CPNE5: variants seen among roughly 807,000 people sequenced by gnomAD.
CPNE5 encodes copine-5.
A neutral mutation model predicts 81.1 loss-of-function variants in CPNE5; 42 were observed. The ratio of observed to expected loss-of-function variants is 0.52; its 90% confidence interval spans 0.40 to 0.67. The LOEUF is 0.67. Among genes scored for constraint, CPNE5 ranks in the 30% least tolerant of loss-of-function variants. CPNE5 has a pLI of 0.00. For synonymous variants in CPNE5, 313 were observed against 321.5 expected, an observed-to-expected ratio of 0.97 and a Z score of 0.28; for missense variants, 612 against 815.5, an observed-to-expected ratio of 0.75 and a Z score of 3.04.
chr6:36,749,305 G>T (rs1209128451), intron 14 of CPNE5, among the ~76,000 whole-genome samples: 1 of 152,136 alleles, frequency 6.6e-6, no homozygotes, highest in East Asian at 1.9e-4. Context: ...TGGGGGGAAT[G>T]AATAGATGAA....
At chr6:36,762,437 C>G (rs1766141306) in intron 12 of CPNE5, among the ~76,000 whole-genome samples, 1 of 152,148 alleles carries the variant, frequency 6.6e-6, no homozygotes, top group African/African-American at 2.4e-5. Context: ...TTGTCCGAGG[C>G]TCTCCAGCTC....
chr6:36,796,410 G>A (rs1232130203), intron 6 of CPNE5, among the ~76,000 whole-genome samples: 4 of 152,242 alleles, frequency 2.6e-5, no homozygotes, highest in Non-Finnish European at 5.9e-5. Context: ...ATGACTAGTG[G>A]CTTTGGACCC....
chr6:36,768,225 C>CCTTTTTTCTTTTTTTTTT (rs1766735631), intron 10 of CPNE5, among the ~76,000 whole-genome samples: 1 of 60,496 alleles, frequency 1.7e-5, no homozygotes, highest in Non-Finnish European at 3.0e-5. Context: ...ATTCACAGTT[C>CCTTTTTTCTTTTTTTTTT]TTTTTTTTTT....
chr6:36,772,555 A>G (rs1398064596), intron 10 of CPNE5, among the ~76,000 whole-genome samples: 1 of 152,254 alleles, frequency 6.6e-6, no homozygotes, highest in Non-Finnish European at 1.5e-5. Flanking sequence ...GTCTCCCTAA[A>G]GATGGGAAGG....
chr6:36,781,486 A>G (rs1037468055), intron 8 of CPNE5, among the ~76,000 whole-genome samples: 4 of 152,238 alleles, frequency 2.6e-5, no homozygotes, highest in Non-Finnish European at 5.9e-5. Context: ...CATAACTCAG[A>G]CAGTCAGATT....
chr6:36,822,066 A>C, intron 3 of CPNE5, 48 bp downstream of exon 3: 1 of 1,476,990 alleles, frequency 6.8e-7, no homozygotes. Flanking sequence ...ACAGACAGGC[A>C]GACAGGAACA....
At chr6:36,823,941 G>A (rs1054768889) in intron 1 of CPNE5, among the ~76,000 whole-genome samples, 1 of 152,170 alleles carries the variant, frequency 6.6e-6, no homozygotes, top group Non-Finnish European at 1.5e-5. Context: ...CTGCACATCT[G>A]GTATCCCTCG....
chr6:36,763,473 G>A (rs1168515387), intron 11 of CPNE5, among the ~76,000 whole-genome samples: 1 of 152,004 alleles, frequency 6.6e-6, no homozygotes, highest in Non-Finnish European at 1.5e-5. Context: ...CGTGGTGGTG[G>A]ACACCTATAA....
chr6:36,838,772 A>C (rs1257984588), intron 1 of CPNE5: 5 of 984,218 alleles, frequency 5.1e-6, no homozygotes, highest in Non-Finnish European at 6.0e-6. Context: ...AAGGCTTTAA[A>C]ATCCTAGAGT....
At position 36,768,216 on chromosome 6, in the gene CPNE5, T is replaced by G. The variant is rs1766731870; in HGVS notation, c.738-2840A>C. On this transcript the variant is annotated intron_variant, in intron 10 of 20. Transcript: ENST00000244751. ...GACAAATAAGGCTTTGACTACTCTATTCACAGTTCTTTTTTTTTTTTTTTT... is the reference window on the plus strand; with the variant it reads ...GACAAATAAGGCTTTGACTACTCTAGTCACAGTTCTTTTTTTTTTTTTTTT... 4.2e-5 allele frequency among the ~76,000 whole-genome samples: 6 copies of G among 144,394 alleles called. No homozygotes were observed. In the South Asian group the frequency reaches 1.3e-3, roughly 32 times the overall value. 94.7% of individuals were successfully genotyped at this position (144,394 alleles called of 152,430 possible).
Position 36,753,150 on chromosome 6 carries a change from G to A in CPNE5, c.910-55C>T. On this transcript the variant is annotated intron_variant, in intron 13 of 20. Transcript: ENST00000244751. ...GGGAGCCTGGGGTCAGGGGAGATGG[G>A]TTATGATTCGAGAGCTGACATTGAC... 2.1e-6 allele frequency: 3 copies of A among 1,433,672 alleles called. No homozygotes were observed. In the South Asian group the frequency reaches 3.4e-5, roughly 16 times the overall value. 88.8% of individuals were successfully genotyped at this position (1,433,672 alleles called of 1,614,324 possible).
chr6:36,823,058 G>C lies in CPNE5; in HGVS notation c.136C>G (p.Leu46Val), dbSNP rs755213428. 1.9e-6 allele frequency: 3 copies of C among 1,574,400 alleles called. No individual in the cohort carries two copies. The highest frequency in any genetic ancestry group is 3.6e-5 in the Admixed American group (2 of 56,058). ...DKDMFSKSDP[L>V]CVMYTQGMEN... ...TTCTTATTGTCAGAGCAGGACTTAC[G>C]TGGGTCGGACTTGGAAAACATGTCT... Residue 46 changes from leucine to valine, a missense_variant and splice_region_variant, in exon 2 of 21, where the codon CTG becomes GTG. Leu to Val is a conservative substitution (Grantham distance 32). Coordinates refer to ENST00000244751, the MANE Select transcript of CPNE5 (RefSeq NM_020939.2).
At chr6:36,813,374 T>C (rs1771271283) in intron 3 of CPNE5, among the ~76,000 whole-genome samples, 1 of 152,026 alleles carries the variant, frequency 6.6e-6, no homozygotes, top group Admixed American at 6.5e-5. Context: ...CTACTAAAAA[T>C]ACAAAAATTA....
At chr6:36,806,121 C>A (rs1026411427) in intron 3 of CPNE5, among the ~76,000 whole-genome samples, 5 of 152,182 alleles carry the variant, frequency 3.3e-5, no homozygotes, top group African/African-American at 1.2e-4. Flanking sequence ...TCTGTCAAGA[C>A]ACGGGTGCCC....
At chr6:36,774,722 T>G (rs1582833696) in intron 10 of CPNE5, among the ~76,000 whole-genome samples, 2 of 150,114 alleles carry the variant, frequency 1.3e-5, no homozygotes, top group Non-Finnish European at 1.5e-5. Context: ...GTGGGGCGGG[T>G]GGGGAGAAGA....
Position 36,762,951 on chromosome 6 carries a change from A to G in CPNE5, c.821T>C (p.Leu274Pro). Residue 274 changes from leucine (L) to proline (P), a missense_variant, in exon 12 of 21, where the codon CTG becomes CCG. Physicochemically the swap from Leu to Pro is moderately conservative, Grantham distance 98. Coordinates refer to ENST00000244751, the MANE Select transcript of CPNE5 (RefSeq NM_020939.2). Reference sequence around the variant, plus strand: ...GTTGAATTGGCTCTGCCCACGGGCCAGCTCCCGGTAACTGGTGGTGAACTC... The same window carrying G: ...GTTGAATTGGCTCTGCCCACGGGCCGGCTCCCGGTAACTGGTGGTGAACTC... The part of the protein sequence containing the change: ...IGEFTTSYRE[L>P]ARGQSQFNIY... 2 of 1,614,176 alleles carry G rather than the reference A, an allele frequency of 1.2e-6. No homozygotes were observed. The highest frequency in any genetic ancestry group is 1.7e-6 in the Non-Finnish European group (2 of 1,180,026).
intron 12 of CPNE5, among the ~76,000 whole-genome samples, chr6:36,758,131 G>T (rs904264633): frequency 9.2e-5 from 14 of 152,112 alleles, no homozygotes; most frequent in Non-Finnish European, 1.8e-4. Flanking sequence ...ACCTTAGGCA[G>T]GTTACTTAAC....
chr6:36,758,420 T>G (rs1765701661), intron 12 of CPNE5, among the ~76,000 whole-genome samples: 1 of 151,750 alleles, frequency 6.6e-6, no homozygotes. Flanking sequence ...TGGCTATTTT[T>G]TTTTTTTTGG....
intron 1 of CPNE5, among the ~76,000 whole-genome samples, chr6:36,833,932 A>G (rs572580268): frequency 1.1e-4 from 16 of 152,228 alleles, no homozygotes; most frequent in Admixed American, 7.8e-4. Flanking sequence ...ATATAAAAGT[A>G]TTATGTGAGG....
Sources: gnomAD v4.1 joint callset for allele counts (sites outside exome capture counted in the v4.1 genomes callset) on GRCh38, gnomAD v4.1.1 for gene constraint, MANE v1.5 for transcripts, NCBI Gene and HGNC (gene_info 2026-07-23, HGNC 2026-07-21) for gene names.